Variants in TMEM184B observed in about 807,000 individuals in gnomAD.
TMEM184B encodes the protein transmembrane protein 184B.
Under a neutral mutation model 41.8 loss-of-function variants are expected in TMEM184B, and 17 were observed. The ratio of observed to expected loss-of-function variants is 0.41; its 90% CI spans 0.28 to 0.61. TMEM184B has a LOEUF of 0.61. TMEM184B is among the 20% of genes least tolerant of loss of function. The pLI is 0.34. For missense variants in TMEM184B, 393 were observed against 557.8 expected (o/e 0.70, Z 2.98); for synonymous variants, 240 against 229.5 (o/e 1.05, Z -0.41).
At chr22:38,236,744 C>A (rs58525199) in intron 3 of TMEM184B, among the ~76,000 whole-genome samples, 1 of 152,158 alleles carries the variant, frequency 6.6e-6, no homozygotes. Flanking sequence ...CTGGTCTCAG[C>A]CTCCCAAAGT....
chr22:38,264,026 A>G (rs1348321067), intron 1 of TMEM184B, among the ~76,000 whole-genome samples: 1 of 151,852 alleles, frequency 6.6e-6, no homozygotes, highest in African/African-American at 2.4e-5. Flanking sequence ...GCTGGTCTCG[A>G]CCTCCTGACC....
chr22:38,252,462 G>A (rs2092187984), intron 1 of TMEM184B, among the ~76,000 whole-genome samples: 1 of 152,204 alleles, frequency 6.6e-6, no homozygotes, highest in Non-Finnish European at 1.5e-5. Flanking sequence ...AAGTCCTGAG[G>A]CCTCTGGACT....
At chr22:38,259,540 T>A (rs2092336949) in intron 1 of TMEM184B, among the ~76,000 whole-genome samples, 1 of 152,140 alleles carries the variant, frequency 6.6e-6, no homozygotes, top group African/African-American at 2.4e-5. Flanking sequence ...GCTGCTACGC[T>A]GCTGCCCTTG....
chr22:38,216,943 G>A (rs1318325200), downstream of TMEM184B, among the ~76,000 whole-genome samples: 1 of 152,186 alleles, frequency 6.6e-6, no homozygotes, highest in Non-Finnish European at 1.5e-5. Flanking sequence ...AGCTACTGAA[G>A]AGGCTGAGGT....
intron 3 of TMEM184B, among the ~76,000 whole-genome samples, chr22:38,240,731 G>GC (rs1491021236): frequency 1.6e-4 from 9 of 57,076 alleles, no homozygotes; most frequent in African/African-American, 7.1e-4. Context: ...GGAAAAAAAG[G>GC]CAAAAAAAAA....
rs1232706081 is a variant in TMEM184B, at chr22:38,220,127, G to A, written c.*1342C>T. 3.0e-6 allele frequency: 3 copies of A among 985,416 alleles called. No individual in the cohort carries two copies. Among genetic ancestry groups the A allele is most frequent in the East Asian group, 1.1e-4 (1 of 8,790 alleles). The allele number at this position is 985,416 out of a possible 1,614,324, so 61.0% of individuals were successfully genotyped here. A position where few individuals can be genotyped will look rare whatever the true frequency, so the allele number is the denominator to read the frequency against. On this transcript the variant is annotated 3_prime_UTR_variant, in exon 9 of 9. Coordinates refer to ENST00000361906, the MANE Select transcript of TMEM184B (RefSeq NM_012264.5). ...CAGGACACTTTGCCTGTAGGGACAC[G>A]TGTTGTGACACGAGGCTCTTCCTAA...
chr22:38,237,169 C>A (rs2091793725), intron 3 of TMEM184B, among the ~76,000 whole-genome samples: 1 of 152,102 alleles, frequency 6.6e-6, no homozygotes, highest in Non-Finnish European at 1.5e-5. Context: ...TGTTCACATC[C>A]CCCCGCAACG....
At chr22:38,234,711 C>A (rs1315745992) in intron 3 of TMEM184B, among the ~76,000 whole-genome samples, 1 of 152,174 alleles carries the variant, frequency 6.6e-6, no homozygotes, top group Non-Finnish European at 1.5e-5. Context: ...CTGTCCTGCA[C>A]CCTGCTTACT....
At chr22:38,237,151 G>A (rs2091793209) in intron 3 of TMEM184B, among the ~76,000 whole-genome samples, 1 of 152,082 alleles carries the variant, frequency 6.6e-6, no homozygotes, top group Non-Finnish European at 1.5e-5. Flanking sequence ...CAGTTGTAAG[G>A]CTCTACATGT....
chr22:38,229,534 ACT>A (rs1475221582), intron 5 of TMEM184B, among the ~76,000 whole-genome samples: 2 of 152,234 alleles, frequency 1.3e-5, no homozygotes, highest in African/African-American at 4.8e-5. Flanking sequence ...AGGCCCACAC[ACT>A]GAGCGACCCC....
At chr22:38,251,493 GAA>G (rs2092161023) in intron 1 of TMEM184B, among the ~76,000 whole-genome samples, 2 of 152,186 alleles carry the variant, frequency 1.3e-5, no homozygotes, top group African/African-American at 2.4e-5. Context: ...GCAGCTGCTT[GAA>G]GGCCCAGAGC....
At chr22:38,224,636 A>G in intron 8 of TMEM184B, 149 bp downstream of exon 8, 1 of 757,282 alleles carries the variant, frequency 1.3e-6, no homozygotes, top group Non-Finnish European at 2.0e-6. Flanking sequence ...CTCTTCCCCG[A>G]CCTCTGTGGC....
intron 1 of TMEM184B, among the ~76,000 whole-genome samples, chr22:38,251,431 G>A (rs769903701): frequency 6.6e-5 from 10 of 152,194 alleles, no homozygotes; most frequent in African/African-American, 9.7e-5. Flanking sequence ...ACTTAAAGCC[G>A]TATTCTGGCT....
intron 4 of TMEM184B, among the ~76,000 whole-genome samples, chr22:38,230,952 C>G (rs1427758225): frequency 1.3e-5 from 2 of 152,126 alleles, no homozygotes; most frequent in African/African-American, 4.8e-5. Context: ...CTGCACTGGC[C>G]CTGGGGTGAC....
intron 8 of TMEM184B, 113 bp downstream of exon 8, chr22:38,224,672 T>A: frequency 9.3e-7 from 1 of 1,078,938 alleles, no homozygotes; most frequent in South Asian, 1.8e-5. Flanking sequence ...AGAGTGGGGA[T>A]CCCATGTCCT....
At chr22:38,217,830 C>CAAAAAAAAAA (rs374397588), downstream of TMEM184B, among the ~76,000 whole-genome samples, 1 of 87,848 alleles carries the variant, frequency 1.1e-5, no homozygotes, top group South Asian at 4.3e-4. Flanking sequence ...GACTCCATCT[C>CAAAAAAAAAA]AAAAAAAAAA....
chr22:38,244,460 CTT>C (rs561655176), intron 3 of TMEM184B, among the ~76,000 whole-genome samples: 8 of 143,084 alleles, frequency 5.6e-5, no homozygotes, highest in Admixed American at 1.4e-4. Flanking sequence ...ATGTAGGGGT[CTT>C]TTTTTTTTTT....
chr22:38,217,966 C>G (rs1208503325), downstream of TMEM184B, among the ~76,000 whole-genome samples: 1 of 152,092 alleles, frequency 6.6e-6, no homozygotes, highest in South Asian at 2.1e-4. Context: ...CAGACCCTGT[C>G]TCAAAAGAAG....
At chr22:38,222,523 AG>A (rs2091289196) in intron 8 of TMEM184B, 1 of 915,434 alleles carries the variant, frequency 1.1e-6, no homozygotes, top group Non-Finnish European at 1.3e-6. Flanking sequence ...GCTCCCACCC[AG>A]GGGGTGCCGG....
Sources: gnomAD v4.1 joint callset for allele counts (sites outside exome capture counted in the v4.1 genomes callset) on GRCh38, gnomAD v4.1.1 for gene constraint, MANE v1.5 for transcripts, NCBI Gene and HGNC (gene_info 2026-07-23, HGNC 2026-07-21) for gene names.